Variants in CEP63 observed in about 807,000 individuals in gnomAD.
CEP63 encodes centrosomal protein of 63 kDa.
In CEP63, 84 loss-of-function variants were observed where a neutral mutation model predicts 89.1. That is an observed-to-expected ratio of 0.94 (90% CI 0.79 to 1.13). The LOEUF is 1.13. CEP63 is among the 50% of genes most tolerant of loss of function. CEP63 has a pLI of 0.00. For missense variants in CEP63, 838 were observed against 813.3 expected, an observed-to-expected ratio of 1.03 and a Z score of -0.37; for synonymous variants, 267 against 272.5, an observed-to-expected ratio of 0.98 and a Z score of 0.20.
At chr3:134,525,844 T>A (rs957240510) in intron 3 of CEP63, among the ~76,000 whole-genome samples, 4 of 152,188 alleles carry the variant, frequency 2.6e-5, no homozygotes, top group Non-Finnish European at 5.9e-5. Flanking sequence ...GACCTGATCT[T>A]TCTCTCTGGC....
chr3:134,748,000 G>A, the CEP63 span, among the ~76,000 whole-genome samples: 1 of 152,146 alleles, frequency 6.6e-6, no homozygotes, highest in Non-Finnish European at 1.5e-5. Flanking sequence ...TGGCCAGGCT[G>A]GTCTCGAAAT....
chr3:134,513,025 A>T (rs1202215303), intron 3 of CEP63, among the ~76,000 whole-genome samples: 2 of 152,174 alleles, frequency 1.3e-5, no homozygotes. Context: ...ATTGTGTTTA[A>T]ACAAGGCAAT....
rs1553799204 is a variant in CEP63, at chr3:134,584,956, G to GTTTTTTTTTTTGTTTTT, written c.1207-2491_1207-2490insGTTTTTTTTTTTTTTTT. Among the ~76,000 whole-genome samples the GTTTTTTTTTTTGTTTTT allele has an allele frequency of 4.7e-3, 168 of 35,974 alleles. 6 individuals are homozygous for GTTTTTTTTTTTGTTTTT. The highest frequency in any genetic ancestry group is 0.012 in the African/African-American group (143 of 11,712). 23.6% of individuals were successfully genotyped at this position (35,974 alleles called of 152,430 possible). ...ATCCATTTCTTCTAGATTTTCTAGG[G>GTTTTTTTTTTTGTTTTT]TTTTTTTTTTTTTTTTTTGCATGGA... On this transcript the variant is annotated intron_variant, in intron 10 of 10. Coordinates refer to the CEP63 transcript ENST00000683931.
At chr3:134,619,135 C>T in the CEP63 span, 1 of 1,607,176 alleles carries the variant, frequency 6.2e-7, no homozygotes, top group Non-Finnish European at 8.5e-7. Context: ...ATGGGGACTC[C>T]TGTCTCTCGT....
intron 3 of CEP63, among the ~76,000 whole-genome samples, chr3:134,522,273 C>T (rs982650713): frequency 1.7e-4 from 26 of 152,016 alleles, no homozygotes; most frequent in Non-Finnish European, 1.8e-4. Flanking sequence ...CAGATCAATC[C>T]AGGCAGGAGG....
chr3:134,619,133 T>G, the CEP63 span: 1 of 1,603,074 alleles, frequency 6.2e-7, no homozygotes, highest in South Asian at 1.1e-5. Context: ...GCATGGGGAC[T>G]CCTGTCTCTC....
chr3:134,551,980 AT>A lies in CEP63; in HGVS notation c.1436del (p.Met479ArgfsTer2). The part of the protein sequence containing the change: ...LKLENRHLSE[M>X]VMKLELGLHE... ...ATTAGAAAATCGTCATCTTTCTGAA[AT>A]GGTGATGAAATTGGAATTGGGTTTA... On this transcript the variant is annotated frameshift_variant, in exon 12 of 15. Transcript: ENST00000675561. LOFTEE classifies it high-confidence loss of function. The A allele has an allele frequency of 6.2e-7, 1 of 1,607,142 alleles. No individual in the cohort carries two copies. Among genetic ancestry groups the A allele is most frequent in the South Asian group, 1.1e-5 (1 of 90,502 alleles).
chr3:134,561,958 A>G lies in CEP63; in HGVS notation c.*423A>G. 1 of 1,019,316 alleles carries G rather than the reference A, an allele frequency of 9.8e-7. No homozygotes were observed. The highest frequency in any genetic ancestry group is 1.2e-6 in the Non-Finnish European group (1 of 850,574). The allele number at this position is 1,019,316 out of a possible 1,614,324, so 63.1% of individuals were successfully genotyped here. On this transcript the variant is annotated 3_prime_UTR_variant, in exon 15 of 15. Coordinates refer to ENST00000675561, the MANE Select transcript of CEP63 (RefSeq NM_001353108.3). ...GGGTCAAACATACCTGGATCGATAG[A>G]CTGGTTTTGCCACTTACCAGCCAAC...
chr3:134,658,369 GA>G, the CEP63 span, among the ~76,000 whole-genome samples: 1 of 151,736 alleles, frequency 6.6e-6, no homozygotes, highest in Non-Finnish European at 1.5e-5. Flanking sequence ...ATATTGGTTG[GA>G]AAAAAAATAC....
the CEP63 span, among the ~76,000 whole-genome samples, chr3:134,706,320 T>A: frequency 6.6e-6 from 1 of 152,258 alleles, no homozygotes; most frequent in East Asian, 1.9e-4. Context: ...TAGTCTCAGA[T>A]CTTCTATTAA....
rs74396267 is a variant in CEP63, at chr3:134,564,409, C to A, written c.*2874C>A. The A allele has an allele frequency of 3.8e-3, 3,773 of 985,404 alleles. 80 individuals carry two copies. The South Asian group carries it at 0.075, about 19-fold the overall frequency. The allele number at this position is 985,404 out of a possible 1,614,324, so 61.0% of individuals were successfully genotyped here. A position where few individuals can be genotyped will look rare whatever the true frequency, so the allele number is the denominator to read the frequency against. ...GCAAAGCTTTCCCATATCCCCTGAC[C>A]CATGTCAGGGAACGTTTCTCCTCAT... is the stretch of plus-strand genomic sequence containing the variant. On this transcript the variant is annotated 3_prime_UTR_variant, in exon 15 of 15. Transcript: ENST00000675561.
At chr3:134,610,169 C>T in the CEP63 span, 1 of 1,596,370 alleles carries the variant, frequency 6.3e-7, no homozygotes, top group Non-Finnish European at 8.5e-7. Flanking sequence ...TGCCAGACGC[C>T]CAGCAGAACT....
the CEP63 span, among the ~76,000 whole-genome samples, chr3:134,691,943 C>T: frequency 2.0e-5 from 3 of 152,190 alleles, no homozygotes; most frequent in South Asian, 6.2e-4. Flanking sequence ...AACTCCTGAC[C>T]TTGTGATCTG....
At chr3:134,651,010 T>G in the CEP63 span, 1 of 1,610,492 alleles carries the variant, frequency 6.2e-7, no homozygotes, top group Non-Finnish European at 8.5e-7. Flanking sequence ...GCTAGGCTGC[T>G]TGCGCTGCAA....
chr3:134,774,268 C>G, the CEP63 span, among the ~76,000 whole-genome samples: 1 of 152,196 alleles, frequency 6.6e-6, no homozygotes, highest in Non-Finnish European at 1.5e-5. Flanking sequence ...TCATGCTCCT[C>G]TACTATGCTC....
the CEP63 span, among the ~76,000 whole-genome samples, chr3:134,765,604 C>T: frequency 6.6e-6 from 1 of 152,172 alleles, no homozygotes. Flanking sequence ...AAGGGGAGAG[C>T]ATGTGTACAG....
intron 3 of CEP63, among the ~76,000 whole-genome samples, chr3:134,524,474 G>C (rs899265829): frequency 3.3e-5 from 5 of 151,518 alleles, no homozygotes; most frequent in Non-Finnish European, 7.4e-5. Context: ...GGTTTTCAAG[G>C]GTTTCCAGCT....
the CEP63 span, chr3:134,608,852 C>A: frequency 2.5e-6 from 4 of 1,599,742 alleles, no homozygotes; most frequent in Non-Finnish European, 3.4e-6. Context: ...GGAGCAGAGA[C>A]AAGCTGGTTA....
At chr3:134,629,580 C>T in the CEP63 span, 5 of 1,509,558 alleles carry the variant, frequency 3.3e-6, no homozygotes, top group Non-Finnish European at 4.5e-6. Flanking sequence ...CTTCAATCCT[C>T]TCTGCCAGCC....
Sources: allele counts gnomAD v4.1 joint callset (sites outside exome capture counted in the v4.1 genomes callset), GRCh38; gene constraint gnomAD v4.1.1; transcripts MANE v1.5; gene names NCBI Gene and HGNC (gene_info 2026-07-23, HGNC 2026-07-21).